Variants in TRMT1 observed in about 807,000 individuals in gnomAD.
TRMT1 encodes tRNA (guanine(26)-N(2))-dimethyltransferase.
TRMT1 carries 63 observed loss-of-function variants against 75.4 expected under a neutral mutation model. The ratio of observed to expected loss-of-function variants is 0.84; its 90% CI spans 0.68 to 1.03. TRMT1 has a LOEUF of 1.03. Among genes scored for constraint, TRMT1 ranks in the 50% least tolerant of loss-of-function variants. The pLI, the probability that TRMT1 is intolerant of heterozygous loss-of-function variation, is 0.00. For missense variants in TRMT1, 870 were observed against 905.3 expected, an observed-to-expected ratio of 0.96 and a Z score of 0.50; for synonymous variants, 382 against 358.1, an observed-to-expected ratio of 1.07 and a Z score of -0.75.
At chr19:13,116,576 T>C in intron 1 of TRMT1, 77 bp downstream of exon 1, 1 of 890,640 alleles carries the variant, frequency 1.1e-6, no homozygotes, top group Non-Finnish European at 1.7e-6. Context: ...GGATGACTGG[T>C]CCCTGTGGAG....
rs377448879 is a variant in TRMT1 at position 13,107,431 on chromosome 19, A to G, written c.1583+143T>C. ...CTGGGATTACAGGCGTGAGCCACCTACCCAGCCCCAGTCAGCAGATTTTGA... is the reference window on the plus strand; with the variant it reads ...CTGGGATTACAGGCGTGAGCCACCTGCCCAGCCCCAGTCAGCAGATTTTGA... On this transcript the variant is annotated intron_variant, in intron 14 of 16. Transcript: ENST00000357720. The G allele has an allele frequency of 4.0e-4, 413 of 1,033,668 alleles. 8 individuals are homozygous for G. The Middle Eastern group carries it at 5.9e-3, about 15-fold the overall frequency. 64.0% of individuals were successfully genotyped at this position (1,033,668 alleles called of 1,614,324 possible).
rs757470184 is a variant in TRMT1 at position 13,109,446 on chromosome 19, C to G, written c.1332G>C (p.Leu444=). Residue 444 remains leucine (L), a synonymous_variant, in exon 12 of 17, where the codon CTG becomes CTC. Coordinates refer to ENST00000357720, the MANE Select transcript of TRMT1 (RefSeq NM_001136035.4). ...TGCTCAGCTGGTCCAGGGTGTAGTA[C>G]AGAGGCACGTCCGGGAGCTCCTGCG... ...VITEELPDVP[L]YYTLDQLSST... 6.2e-7 allele frequency: 1 copy of G among 1,613,716 alleles called. No homozygotes were observed. Among genetic ancestry groups the G allele is most frequent in the Non-Finnish European group, 8.5e-7 (1 of 1,180,014 alleles).
At chr19:13,107,485 G>C (rs2018927862) in intron 14 of TRMT1, 89 bp downstream of exon 14, 1 of 1,435,246 alleles carries the variant, frequency 7.0e-7, no homozygotes, top group Non-Finnish European at 9.6e-7. Flanking sequence ...GCACGAGTCT[G>C]TGTGGGGCAG....
chr19:13,113,022 A>T lies in TRMT1; in HGVS notation c.642-11T>A, dbSNP rs758272936. On this transcript the variant is annotated splice_polypyrimidine_tract_variant and intron_variant, in intron 5 of 16. Coordinates refer to ENST00000357720, the MANE Select transcript of TRMT1 (RefSeq NM_001136035.4). ...TGGTACATCAGCATCCTGGGTGCAA[A>T]GAGGGCCAGGTCCTCAGCCTCCCAC... 1.7e-5 allele frequency: 27 copies of T among 1,600,926 alleles called. No homozygotes were observed. In the South Asian group the frequency reaches 2.9e-4, roughly 17 times the overall value.
intron 14 of TRMT1, among the ~76,000 whole-genome samples, chr19:13,107,176 C>G (rs1181941576): frequency 6.6e-6 from 1 of 151,010 alleles, no homozygotes; most frequent in Non-Finnish European, 1.5e-5. Flanking sequence ...GCTCTGTCGC[C>G]CAGGCTGGAG....
At chr19:13,112,459 AAAT>A (rs1346104323) in intron 7 of TRMT1, among the ~76,000 whole-genome samples, 14 of 152,202 alleles carry the variant, frequency 9.2e-5, no homozygotes, top group African/African-American at 3.4e-4. Flanking sequence ...CAGAAAACTA[AAAT>A]AATGTGGCCA....
chr19:13,109,274 C>G (rs141799482), intron 12 of TRMT1, 107 bp downstream of exon 12: 2 of 1,299,526 alleles, frequency 1.5e-6, no homozygotes, highest in Non-Finnish European at 2.2e-6. Flanking sequence ...GACAGTGCAC[C>G]GGGTTCTCCC....
rs141743383 is a variant in TRMT1 at position 13,107,410 on chromosome 19, G to A, written c.1583+164C>T. Among the ~76,000 whole-genome samples the A allele has an allele frequency of 9.3e-4, 141 of 152,352 alleles. 1 individual carries two copies. The Middle Eastern group carries it at 0.01, about 11-fold the overall frequency. ...CTGCCTCAGCCTCCCAAAGTGCTGG[G>A]ATTACAGGCGTGAGCCACCTACCCA... On this transcript the variant is annotated intron_variant, in intron 14 of 16. Coordinates refer to ENST00000357720, the MANE Select transcript of TRMT1 (RefSeq NM_001136035.4).
rs766620074 is a variant in TRMT1 at position 13,112,755 on chromosome 19, A to T, written c.820T>A (p.Tyr274Asn). Residue 274 changes from tyrosine to asparagine, a missense_variant, in exon 7 of 17, where the codon TAC (tyrosine) becomes AAC (asparagine). Coordinates refer to ENST00000357720, the MANE Select transcript of TRMT1 (RefSeq NM_001136035.4). ...VLAGNSGETC[Y>N]SKYGAMALKS... ...AGGGCCATGGCCCCGTACTTGCTGT[A>T]GCACGTCTCCCCGCTGTTCCCCGCC... 1 of 1,613,846 alleles carries T rather than the reference A, an allele frequency of 6.2e-7. No individual in the cohort carries two copies. Among genetic ancestry groups the T allele is most frequent in the African/African-American group, 1.3e-5 (1 of 75,042 alleles).
Position 13,106,021 on chromosome 19 carries a change from C to T in TRMT1, c.1584-415G>A, listed in dbSNP as rs1043976025. Among the ~76,000 whole-genome samples, 43 of 151,692 alleles carry T rather than the reference C, an allele frequency of 2.8e-4. 3 individuals carry two copies. The highest frequency in any genetic ancestry group is 2.4e-5 in the African/African-American group (1 of 41,358). On this transcript the variant is annotated intron_variant, in intron 14 of 16. Transcript: ENST00000357720. ...AGGTTGCAGTGAGCTGAAATCGCAC[C>T]ACTGCACTCCAGCCTGGGCAAGAGA...
In TRMT1 at chr19:13,105,048, A is replaced by G. The variant is rs1442520718; in HGVS notation, c.1867T>C (p.Ser623Pro). 3 of 1,606,208 alleles carry G rather than the reference A, an allele frequency of 1.9e-6. No homozygotes were observed. The highest frequency in any genetic ancestry group is 2.6e-6 in the Non-Finnish European group (3 of 1,175,794). ...TCQRGDQCCYSHSPPTPRVSA... is the reference protein window; with the variant it reads ...TCQRGDQCCYPHSPPTPRVSA... The stretch of plus-strand genomic sequence containing the variant: ...ACCCTGGGTGTCGGGGGGCTGTGGG[A>G]GTAGCAGCACTGGTCCCCGCGTTGA... Residue 623 changes from serine to proline, a missense_variant, in exon 17 of 17, where the codon TCC becomes CCC. Ser to Pro is a moderately conservative substitution (Grantham distance 74). Transcript: ENST00000357720.
rs763862154 is a variant in TRMT1 at position 13,115,274 on chromosome 19, C to G, written c.641+5G>C. On this transcript the variant is annotated splice_donor_5th_base_variant and intron_variant, in intron 5 of 16. Transcript: ENST00000357720. ...CAGAGCTAGGCTGTGATGCCCAGAACCTACCGGGCATCTGCTTGGCTCGGC... is the reference window on the plus strand; with the variant it reads ...CAGAGCTAGGCTGTGATGCCCAGAAGCTACCGGGCATCTGCTTGGCTCGGC... The G allele has an allele frequency of 6.2e-7, 1 of 1,607,790 alleles. No homozygotes were observed. The highest frequency in any genetic ancestry group is 1.1e-5 in the South Asian group (1 of 90,312).
At chr19:13,107,722 C>G (rs1405913229) in intron 13 of TRMT1, 29 bp downstream of exon 13, 14 of 1,559,372 alleles carry the variant, frequency 9.0e-6, no homozygotes, top group Non-Finnish European at 1.1e-5. Context: ...CCTGCCCTCC[C>G]ACCTGCATGA....
intron 5 of TRMT1, among the ~76,000 whole-genome samples, chr19:13,114,847 ACAAACAAACAAG>A (rs1305674985): frequency 6.6e-6 from 1 of 151,078 alleles, no homozygotes; most frequent in Non-Finnish European, 1.5e-5. Flanking sequence ...ATCTCAAAAA[ACAAACAAACAAG>A]CAAACAAACA....
intron 14 of TRMT1, 82 bp from the exon 15 acceptor site, chr19:13,105,688 C>T (rs1327698485): frequency 2.3e-6 from 3 of 1,306,244 alleles, no homozygotes; most frequent in Non-Finnish European, 3.2e-6. Context: ...GCCTGTCCGC[C>T]TCCACAACAC....
Position 13,105,249 on chromosome 19 carries a change from A to T in TRMT1, c.1833+18T>A, listed in dbSNP as rs377547397. 4.4e-6 allele frequency: 7 copies of T among 1,608,186 alleles called. No individual in the cohort carries two copies. Among genetic ancestry groups the T allele is most frequent in the Non-Finnish European group, 5.9e-6 (7 of 1,176,640 alleles). On this transcript the variant is annotated intron_variant, in intron 16 of 16. Transcript: ENST00000357720. Reference sequence around the variant, plus strand: ...ACTCATGTGTCCTGCAGTGGAGGAAAGGGAGGAGGGACCTCACCTCCTTAA... The same window carrying T: ...ACTCATGTGTCCTGCAGTGGAGGAATGGGAGGAGGGACCTCACCTCCTTAA...
chr19:13,115,846 G>C lies in TRMT1; in HGVS notation c.311-78C>G, dbSNP rs73507391. The C allele has an allele frequency of 1.9e-4, 302 of 1,606,050 alleles. No individual in the cohort carries two copies. In the African/African-American group the frequency reaches 3.7e-3, roughly 20 times the overall value. ...ACCTCCCCTTAATCTCCAAAATATC[G>C]TCCCTGAAATCCCTGCGGAAAGGCT... On this transcript the variant is annotated intron_variant, in intron 3 of 16. Coordinates refer to ENST00000357720, the MANE Select transcript of TRMT1 (RefSeq NM_001136035.4).
intron 7 of TRMT1, among the ~76,000 whole-genome samples, chr19:13,111,389 T>A: frequency 6.6e-6 from 1 of 151,176 alleles, no homozygotes; most frequent in African/African-American, 2.4e-5. Flanking sequence ...ACCATTTTTT[T>A]TTTTTTTTTT....
At position 13,116,020 on chromosome 19, in the gene TRMT1, T is replaced by C. The variant is rs1340482117; in HGVS notation, c.287A>G (p.Gln96Arg). 1 of 1,613,912 alleles carries C rather than the reference T, an allele frequency of 6.2e-7. No individual in the cohort carries two copies. The highest frequency in any genetic ancestry group is 1.7e-5 in the Admixed American group (1 of 60,006). Reference protein sequence around the residue: ...CAVITEFARIQLGAKGIQIKV... With the variant: ...CAVITEFARIRLGAKGIQIKV... ...ACTCTGGATTCCTTTGGCCCCAAGC[T>C]GAATGCGAGCAAACTCGGTGATCAC... Residue 96 changes from glutamine (Q) to arginine (R), a missense_variant, in exon 3 of 17, where the codon CAG becomes CGG. Physicochemically the swap from Gln to Arg is conservative, Grantham distance 43. Transcript: ENST00000357720.
Sources: allele counts gnomAD v4.1 joint callset (sites outside exome capture counted in the v4.1 genomes callset), GRCh38; gene constraint gnomAD v4.1.1; transcripts MANE v1.5; gene names NCBI Gene and HGNC (gene_info 2026-07-23, HGNC 2026-07-21).